Variants in ANP32A observed in about 807,000 individuals in gnomAD.
The protein encoded by ANP32A is acidic nuclear phosphoprotein 32 family member A.
A neutral mutation model predicts 33.9 loss-of-function variants in ANP32A; 1 was observed. The observed-to-expected ratio is 0.03, with a 90% confidence interval of 0.01 to 0.14. The LOEUF (loss-of-function observed/expected upper bound fraction) is 0.14, where lower values mean the gene tolerates loss of function less well. Among genes scored for constraint, ANP32A ranks in the 10% least tolerant of loss-of-function variants. The pLI is 1.00. For synonymous variants in ANP32A, 115 were observed against 120.5 expected (o/e 0.95, Z 0.30); for missense variants, 155 against 306.0 (o/e 0.51, Z 3.68).
intron 1 of ANP32A, among the ~76,000 whole-genome samples, chr15:68,807,040 G>C (rs772958889): frequency 6.6e-6 from 1 of 152,260 alleles, no homozygotes. Flanking sequence ...ACCAGACAGA[G>C]AGAAAGCCAC....
chr15:68,807,205 G>A (rs922399854), intron 1 of ANP32A, among the ~76,000 whole-genome samples: 3 of 152,212 alleles, frequency 2.0e-5, no homozygotes, highest in African/African-American at 7.2e-5. Context: ...CCCAGAAAAG[G>A]GGACCTCTCA....
chr15:68,784,727 G>A, intron 3 of ANP32A, 132 bp from the exon 4 acceptor site: 1 of 1,093,666 alleles, frequency 9.1e-7, no homozygotes, highest in Non-Finnish European at 1.3e-6. Flanking sequence ...AAGGAAGCTT[G>A]GATTTGGCTC....
intron 2 of ANP32A, 92 bp downstream of exon 2, chr15:68,787,678 T>C (rs1401117731): frequency 1.9e-6 from 3 of 1,595,484 alleles, no homozygotes; most frequent in African/African-American, 2.7e-5. Flanking sequence ...AGCACCCGGC[T>C]TTCCCTTCAA....
Position 68,809,688 on chromosome 15 carries a change from C to CGTGGGGGTGCGGGTGTGAAG in ANP32A, c.54+10990_54+11009dup, listed in dbSNP as rs551914144. ...TCCATCAGAAAGTCACACCAGCGGG[C>CGTGGGGGTGCGGGTGTGAAG]GTGGGGGTGCGGGTGTGAAGGTGTG... On this transcript the variant is annotated intron_variant, in intron 1 of 6. Transcript: ENST00000465139. 4.6e-3 allele frequency among the ~76,000 whole-genome samples: 696 copies of CGTGGGGGTGCGGGTGTGAAG among 152,210 alleles called. 2 individuals are homozygous for CGTGGGGGTGCGGGTGTGAAG. Among genetic ancestry groups the CGTGGGGGTGCGGGTGTGAAG allele is most frequent in the Non-Finnish European group, 6.3e-3 (426 of 68,014 alleles).
At chr15:68,808,002 G>A (rs528030882) in intron 1 of ANP32A, among the ~76,000 whole-genome samples, 5 of 152,358 alleles carry the variant, frequency 3.3e-5, no homozygotes, top group African/African-American at 1.2e-4. Flanking sequence ...GAACGTGGTT[G>A]TGTGAACAAT....
rs562238288 is a variant in ANP32A, at chr15:68,782,661, A to G, written c.624+295T>C. The G allele has an allele frequency of 6.5e-5, 26 of 401,256 alleles. 1 individual carries two copies. In the East Asian group the frequency reaches 1.0e-3, roughly 16 times the overall value. The allele number at this position is 401,256 out of a possible 1,614,324, so 24.9% of individuals were successfully genotyped here. A position where few individuals can be genotyped will look rare whatever the true frequency, so the allele number is the denominator to read the frequency against. On this transcript the variant is annotated intron_variant, in intron 5 of 6. Coordinates refer to ENST00000465139, the MANE Select transcript of ANP32A (RefSeq NM_006305.4). ...AAAGCAAAAAGCAGAAAATGGGGCC[A>G]TGCATTCTGTACTTCTTCACATAGA...
chr15:68,805,076 C>T (rs1232399015), intron 1 of ANP32A, among the ~76,000 whole-genome samples: 2 of 152,176 alleles, frequency 1.3e-5, no homozygotes, highest in African/African-American at 4.8e-5. Context: ...CTAAAATAAA[C>T]CCTGGGGGCC....
chr15:68,792,777 C>T (rs1359022529), intron 1 of ANP32A, among the ~76,000 whole-genome samples: 1 of 152,150 alleles, frequency 6.6e-6, no homozygotes, highest in Non-Finnish European at 1.5e-5. Flanking sequence ...CTAGAGGGCT[C>T]GACCCAACTG....
chr15:68,808,889 C>G (rs1280069015), intron 1 of ANP32A, among the ~76,000 whole-genome samples: 1 of 152,186 alleles, frequency 6.6e-6, no homozygotes, highest in East Asian at 1.9e-4. Flanking sequence ...TCTCAGCAAA[C>G]ACACTCTGCG....
intron 1 of ANP32A, among the ~76,000 whole-genome samples, chr15:68,806,856 T>C (rs1894235187): frequency 6.6e-6 from 1 of 152,218 alleles, no homozygotes; most frequent in East Asian, 1.9e-4. Context: ...AACAGCCCCC[T>C]GTGCCAGAAC....
At chr15:68,804,052 G>A (rs764413865) in intron 1 of ANP32A, among the ~76,000 whole-genome samples, 2 of 151,878 alleles carry the variant, frequency 1.3e-5, no homozygotes, top group Non-Finnish European at 2.9e-5. Flanking sequence ...CACCCACCTC[G>A]GCCTCCCAAA....
chr15:68,814,246 G>C (rs1426067448), intron 1 of ANP32A, among the ~76,000 whole-genome samples: 1 of 151,988 alleles, frequency 6.6e-6, no homozygotes, highest in African/African-American at 2.4e-5. Flanking sequence ...GAAAGCTCAA[G>C]CAGATGTCTT....
rs182451453 is a variant in ANP32A, at chr15:68,804,735, G to A, written c.54+15963C>T. Among the ~76,000 whole-genome samples, 71 of 152,254 alleles carry A rather than the reference G, an allele frequency of 4.7e-4. 1 individual carries two copies. Among genetic ancestry groups the A allele is most frequent in the African/African-American group, 1.6e-3 (67 of 41,560 alleles). On this transcript the variant is annotated intron_variant, in intron 1 of 6. Coordinates refer to ENST00000465139, the MANE Select transcript of ANP32A (RefSeq NM_006305.4). Reference sequence around the variant, plus strand: ...TCACCATGTTGGCCAGGATGGTCTCGATCTCCTGGCCTCGTGATCCACCTG... The same window carrying A: ...TCACCATGTTGGCCAGGATGGTCTCAATCTCCTGGCCTCGTGATCCACCTG...
rs1164829653 is a variant in ANP32A at position 68,780,414 on chromosome 15, A to G, written c.684T>C (p.Leu228=). The change falls in exon 6 of 7, where the codon CTT becomes CTC. Residue 228 remains leucine, a synonymous_variant. Coordinates refer to ENST00000465139, the MANE Select transcript of ANP32A (RefSeq NM_006305.4). This position sits in a 1 kb window ranked among gnomAD's most constrained non-coding sequence, Gnocchi z 4.3. ...AGAGTAAAAAGGCTGCCATACCACC[A>G]AGCTCTTCTTCATCTTCCTCGTCAT... ...EVDDEEDEEE[L]GEEERGQKRK... The G allele has an allele frequency of 2.5e-6, 4 of 1,614,014 alleles. No individual in the cohort carries two copies. Among genetic ancestry groups the G allele is most frequent in the Non-Finnish European group, 2.5e-6 (3 of 1,179,894 alleles).
Position 68,784,488 on chromosome 15 carries a change from G to C in ANP32A, c.435C>G (p.Leu145=), listed in dbSNP as rs761670361. 6.2e-7 allele frequency: 1 copy of C among 1,614,128 alleles called. No individual in the cohort carries two copies. Among genetic ancestry groups the C allele is most frequent in the Non-Finnish European group, 8.5e-7 (1 of 1,180,022 alleles). ...CCTTGTCGTCCCGGTCATAGCCGTC[G>C]AGATATGTGAGTTGCGGGAGGAGCT... The part of the protein sequence containing the change: ...VFKLLPQLTY[L]DGYDRDDKEA... The change falls in exon 4 of 7, where the codon CTC becomes CTG. Residue 145 remains leucine, a synonymous_variant. Coordinates refer to ENST00000465139, the MANE Select transcript of ANP32A (RefSeq NM_006305.4).
chr15:68,788,886 TAGAA>T (rs1374140583), intron 1 of ANP32A, among the ~76,000 whole-genome samples: 1 of 152,120 alleles, frequency 6.6e-6, no homozygotes, highest in African/African-American at 2.4e-5. Context: ...TCTAATGAGG[TAGAA>T]AGAACGAATA....
chr15:68,818,725 C>T (rs1351974072), intron 1 of ANP32A, among the ~76,000 whole-genome samples: 2 of 151,954 alleles, frequency 1.3e-5, no homozygotes, highest in African/African-American at 2.4e-5. Flanking sequence ...CCAGCCGCGC[C>T]CCCGCACCCA....
intron 1 of ANP32A, among the ~76,000 whole-genome samples, chr15:68,802,371 C>T (rs551146253): frequency 6.6e-6 from 1 of 152,140 alleles, no homozygotes; most frequent in East Asian, 1.9e-4. Flanking sequence ...GCATATTATA[C>T]TAATCATTGC....
chr15:68,796,350 G>A (rs1894063796), intron 1 of ANP32A, among the ~76,000 whole-genome samples: 1 of 152,006 alleles, frequency 6.6e-6, no homozygotes, highest in Non-Finnish European at 1.5e-5. Flanking sequence ...CAAAGTGCTG[G>A]GATTACAGGC....
Sources: allele counts gnomAD v4.1 joint callset (sites outside exome capture counted in the v4.1 genomes callset), GRCh38; gene constraint gnomAD v4.1.1; non-coding constraint Gnocchi (gnomAD v3.1); transcripts MANE v1.5; gene names NCBI Gene and HGNC (gene_info 2026-07-23, HGNC 2026-07-21).